The following ENTREP2 variants were observed in gnomAD, a reference collection of about 807,000 sequenced individuals.
The protein encoded by ENTREP2 is protein ENTREP2.
At chr15:29,430,449 C>CG in the ENTREP2 span, among the ~76,000 whole-genome samples, 1 of 152,204 alleles carries the variant, frequency 6.6e-6, no homozygotes, top group Admixed American at 6.5e-5. Flanking sequence ...CAGCTCCCAG[C>CG]ACAGGCCTGG....
chr15:29,519,146 C>T, the ENTREP2 span, among the ~76,000 whole-genome samples: 1 of 151,022 alleles, frequency 6.6e-6, no homozygotes, highest in Admixed American at 6.6e-5. Context: ...CTCTTTCTCT[C>T]TCTCTCTCTC....
chr15:29,352,906 T>G, the ENTREP2 span, among the ~76,000 whole-genome samples: 2 of 152,242 alleles, frequency 1.3e-5, no homozygotes, highest in African/African-American at 4.8e-5. Context: ...CGACAGCTTT[T>G]CAGATTCTAT....
At chr15:29,304,830 GGCCTCCGTACT>G in the ENTREP2 span, among the ~76,000 whole-genome samples, 1 of 151,986 alleles carries the variant, frequency 6.6e-6, no homozygotes, top group Non-Finnish European at 1.5e-5. Flanking sequence ...TCCCACTCAG[GGCCTCCGTACT>G]GACTATTCCC....
At chr15:29,162,436 C>T in the ENTREP2 span, among the ~76,000 whole-genome samples, 1 of 152,136 alleles carries the variant, frequency 6.6e-6, no homozygotes, top group Non-Finnish European at 1.5e-5. Context: ...GTCTCACCCA[C>T]TGCCCGAAAA....
the ENTREP2 span, among the ~76,000 whole-genome samples, chr15:29,247,307 A>G: frequency 1.3e-4 from 20 of 152,342 alleles, no homozygotes; most frequent in African/African-American, 4.6e-4. Context: ...GTAATCTACA[A>G]ATTTAATATG....
the ENTREP2 span, among the ~76,000 whole-genome samples, chr15:29,213,723 C>G: frequency 6.6e-6 from 1 of 152,014 alleles, no homozygotes; most frequent in Admixed American, 6.6e-5. Context: ...TATACTATCA[C>G]AGCAAAAGAA....
the ENTREP2 span, among the ~76,000 whole-genome samples, chr15:29,571,132 G>C: frequency 6.6e-6 from 1 of 151,530 alleles, no homozygotes; most frequent in African/African-American, 2.4e-5. Flanking sequence ...GCCGGGACCC[G>C]GGAGCCGGGA....
At chr15:29,326,606 CAGAA>C in the ENTREP2 span, among the ~76,000 whole-genome samples, 2 of 152,090 alleles carry the variant, frequency 1.3e-5, no homozygotes, top group African/African-American at 4.8e-5. Flanking sequence ...TGTTCATGGA[CAGAA>C]AGACAATATT....
chr15:29,152,369 C>T, the ENTREP2 span, among the ~76,000 whole-genome samples: 23 of 152,298 alleles, frequency 1.5e-4, no homozygotes, highest in Admixed American at 2.6e-4. Flanking sequence ...CATCACCACA[C>T]GGGTCCCCCC....
chr15:29,447,342 C>G, the ENTREP2 span, among the ~76,000 whole-genome samples: 4 of 152,316 alleles, frequency 2.6e-5, no homozygotes, highest in Admixed American at 2.6e-4. Flanking sequence ...AGTGGGCATG[C>G]CTTTACTCAT....
the ENTREP2 span, among the ~76,000 whole-genome samples, chr15:29,532,487 A>T: frequency 3.3e-5 from 5 of 152,254 alleles, no homozygotes; most frequent in African/African-American, 1.2e-4. Flanking sequence ...GGTGCATCCC[A>T]CACACTTGTT....
chr15:29,360,209 C>CAT, the ENTREP2 span, among the ~76,000 whole-genome samples: 1 of 152,180 alleles, frequency 6.6e-6, no homozygotes, highest in East Asian at 1.9e-4. Flanking sequence ...TTTTCTAACG[C>CAT]TATATCTTTA....
the ENTREP2 span, among the ~76,000 whole-genome samples, chr15:29,576,158 G>A: frequency 6.6e-6 from 1 of 152,176 alleles, no homozygotes; most frequent in South Asian, 2.1e-4. Flanking sequence ...ATATAATTGA[G>A]GGTCCATAAA....
At chr15:29,348,215 C>T in the ENTREP2 span, among the ~76,000 whole-genome samples, 1 of 152,118 alleles carries the variant, frequency 6.6e-6, no homozygotes, top group Admixed American at 6.5e-5. Flanking sequence ...TCAGTTTGGG[C>T]ATGCGGCAGT....
the ENTREP2 span, among the ~76,000 whole-genome samples, chr15:29,176,671 G>A: frequency 1.3e-5 from 2 of 152,212 alleles, no homozygotes; most frequent in Admixed American, 1.3e-4. Context: ...AGACCCTGTT[G>A]GACGGGGCAG....
the ENTREP2 span, among the ~76,000 whole-genome samples, chr15:29,629,109 A>G: frequency 1.3e-5 from 2 of 152,058 alleles, no homozygotes; most frequent in Non-Finnish European, 2.9e-5. Context: ...GAAGTCTACT[A>G]TATCTGTTAT....
chr15:29,242,233 A>C, the ENTREP2 span, among the ~76,000 whole-genome samples: 48 of 151,824 alleles, frequency 3.2e-4, no homozygotes, highest in African/African-American at 1.1e-3. Context: ...ATTCACACTT[A>C]ATTTTTGTAT....
the ENTREP2 span, chr15:29,129,001 C>T: frequency 7.7e-4 from 469 of 613,050 alleles, 1 homozygote; most frequent in Non-Finnish European, 1.0e-3. Flanking sequence ...CCACTCTTCT[C>T]CCCTACATTT....
the ENTREP2 span, among the ~76,000 whole-genome samples, chr15:29,284,279 C>T: frequency 3.3e-5 from 5 of 152,042 alleles, no homozygotes; most frequent in African/African-American, 4.8e-5. Context: ...GTCTAGGGGC[C>T]GGGCGCGGTG....
Sources: gnomAD v4.1 joint callset for allele counts (sites outside exome capture counted in the v4.1 genomes callset) on GRCh38, gnomAD v4.1.1 for gene constraint, MANE v1.5 for transcripts, NCBI Gene and HGNC (gene_info 2026-07-23, HGNC 2026-07-21) for gene names.